The following ESYT3 variants were observed in gnomAD, a reference collection of about 807,000 sequenced individuals.
ESYT3 encodes extended synaptotagmin-3.
Under a neutral mutation model 111.5 loss-of-function variants are expected in ESYT3, and 101 were observed. The ratio of observed to expected loss-of-function variants is 0.91; its 90% CI spans 0.77 to 1.07. The LOEUF is 1.07. Ranked by LOEUF, ESYT3 falls within the 50% of genes least tolerant of loss-of-function variation. ESYT3 has a pLI of 0.00. For missense variants in ESYT3, 1,097 were observed against 1,109.4 expected (o/e 0.99, Z 0.16); for synonymous variants, 416 against 446.8 (o/e 0.93, Z 0.87).
intron 3 of ESYT3, among the ~76,000 whole-genome samples, chr3:138,457,348 G>A (rs1181157038): frequency 1.6e-4 from 24 of 152,174 alleles, no homozygotes; most frequent in East Asian, 1.9e-4. Flanking sequence ...GGGCCACTCT[G>A]TGTGGCTGTG....
Position 138,452,038 on chromosome 3 carries a change from TC to T in ESYT3, c.328-9del, listed in dbSNP as rs781371460. 2.2e-5 allele frequency: 35 copies of T among 1,613,528 alleles called. No homozygotes were observed. Among genetic ancestry groups the T allele is most frequent in the Non-Finnish European group, 3.0e-5 (35 of 1,179,890 alleles). On this transcript the variant is annotated splice_polypyrimidine_tract_variant and intron_variant, in intron 1 of 22. Transcript: ENST00000389567. ...TCTAGTCTAACTTCCCCTCGGGGCT[TC>T]TTTCCTAGATCCACTTCCCGGACGT...
At position 138,435,980 on chromosome 3, in the gene ESYT3, T is replaced by C. The variant is rs970424460; in HGVS notation, c.327+855T>C. On this transcript the variant is annotated intron_variant, in intron 1 of 22. Coordinates refer to ENST00000389567, the MANE Select transcript of ESYT3 (RefSeq NM_031913.5). This position sits in a 1 kb window ranked among gnomAD's most constrained non-coding sequence, Gnocchi z 4.8. ...TGCTGGGGCTCTTCGTTTTCAGATT[T>C]CTTCCAGTTACTCTCAGGCCCACGG... Among the ~76,000 whole-genome samples the C allele has an allele frequency of 2.0e-5, 3 of 152,166 alleles. No homozygotes were observed. Among genetic ancestry groups the C allele is most frequent in the Non-Finnish European group, 4.4e-5 (3 of 68,034 alleles).
chr3:138,476,745 A>T, intron 22 of ESYT3, 73 bp from the exon 23 acceptor site: 4 of 1,446,130 alleles, frequency 2.8e-6, no homozygotes, highest in South Asian at 2.3e-5. Context: ...GGCAGGCAGG[A>T]CTAGGCAGTT....
chr3:138,469,585 A>G, intron 15 of ESYT3, 81 bp downstream of exon 15: 1 of 1,198,608 alleles, frequency 8.3e-7, no homozygotes, highest in Non-Finnish European at 1.2e-6. Context: ...AAGGGAGGGG[A>G]ATTAACTTAT....
At position 138,472,398 on chromosome 3, in the gene ESYT3, A is replaced by G. The variant is rs1313484475; in HGVS notation, c.1776A>G (p.Pro592=). 1 of 1,614,040 alleles carries G rather than the reference A, an allele frequency of 6.2e-7. No individual in the cohort carries two copies. Among genetic ancestry groups the G allele is most frequent in the African/African-American group, 1.3e-5 (1 of 74,924 alleles). ...LQVEERELGS[P]YTGPEALKKG... is the part of the protein sequence containing the mutation. ...TGGAGGAACGAGAGCTGGGGAGCCCATACACAGGACCTGAAGCCCTAAAGA... is the reference window on the plus strand; with the variant it reads ...TGGAGGAACGAGAGCTGGGGAGCCCGTACACAGGACCTGAAGCCCTAAAGA... The change falls in exon 18 of 23, where the codon CCA becomes CCG. Residue 592 remains proline, a synonymous_variant. Transcript: ENST00000389567.
chr3:138,444,323 C>T (rs1403972429), intron 1 of ESYT3, among the ~76,000 whole-genome samples: 6 of 152,076 alleles, frequency 3.9e-5, no homozygotes, highest in Middle Eastern at 3.2e-3. Flanking sequence ...ACAGGTAGTG[C>T]GGGGAGGACA....
chr3:138,474,128 TTGAAACTCTCAAACAC>T (rs768686115), intron 19 of ESYT3, 77 bp from the exon 20 acceptor site: 194 of 1,517,664 alleles, frequency 1.3e-4, no homozygotes, highest in Non-Finnish European at 1.6e-4. Flanking sequence ...TTTGAAGTGT[TTGAAACTCTCAAACAC>T]TGAAACTCTC....
At position 138,452,102 on chromosome 3, in the gene ESYT3, G is replaced by T. The variant is rs752062794; in HGVS notation, c.369+13G>T. On this transcript the variant is annotated intron_variant, in intron 2 of 22. Coordinates refer to ENST00000389567, the MANE Select transcript of ESYT3 (RefSeq NM_031913.5). ...GTGGGCCAACAAGGTAAGGCCGCTGGCAGGGCCTAGCAGGGCCGGACGCAT... is the reference window on the plus strand; with the variant it reads ...GTGGGCCAACAAGGTAAGGCCGCTGTCAGGGCCTAGCAGGGCCGGACGCAT... 13 of 1,609,474 alleles carry T rather than the reference G, an allele frequency of 8.1e-6. No individual in the cohort carries two copies. The Admixed American group carries it at 2.0e-4, about 25-fold the overall frequency.
At chr3:138,452,181 C>A in intron 2 of ESYT3, 92 bp downstream of exon 2, 1 of 1,284,142 alleles carries the variant, frequency 7.8e-7, no homozygotes, top group Non-Finnish European at 1.1e-6. Flanking sequence ...GGGGGCCTCG[C>A]GGCAATTTCC....
In ESYT3 at chr3:138,474,164, G is replaced by C. The variant is rs2033373828; in HGVS notation, c.2337-57G>C. 5.1e-5 allele frequency: 81 copies of C among 1,580,150 alleles called. 1 individual carries two copies. In the South Asian group the frequency reaches 9.0e-4, roughly 18 times the overall value. On this transcript the variant is annotated intron_variant, in intron 19 of 22. Transcript: ENST00000389567. ...AAACACTGAAACTCTCAAATGTTCAGTGTTTGAAAACCAGGGCCCTTTTTT... is the reference window on the plus strand; with the variant it reads ...AAACACTGAAACTCTCAAATGTTCACTGTTTGAAAACCAGGGCCCTTTTTT...
intron 7 of ESYT3, among the ~76,000 whole-genome samples, chr3:138,461,716 A>G (rs1363918996): frequency 2.0e-5 from 3 of 152,210 alleles, no homozygotes; most frequent in African/African-American, 7.2e-5. Context: ...AGAGGTGAGG[A>G]TGCTGAGGTC....
chr3:138,453,588 T>C (rs1215245454), intron 2 of ESYT3, among the ~76,000 whole-genome samples: 2 of 152,124 alleles, frequency 1.3e-5, no homozygotes, highest in African/African-American at 4.8e-5. Context: ...AGGAAATGCA[T>C]ATTTAAACTG....
chr3:138,448,878 T>C (rs943788152), intron 1 of ESYT3, among the ~76,000 whole-genome samples: 9 of 152,110 alleles, frequency 5.9e-5, no homozygotes, highest in Non-Finnish European at 1.3e-4. Flanking sequence ...AGGGAGGGGC[T>C]TCAGGTCCCT....
chr3:138,452,661 G>A (rs747784889), intron 2 of ESYT3, among the ~76,000 whole-genome samples: 2 of 152,202 alleles, frequency 1.3e-5, no homozygotes, highest in Non-Finnish European at 2.9e-5. Flanking sequence ...TCCCCAGCAG[G>A]AATCCCGACT....
rs1374493338 is a variant in ESYT3, at chr3:138,477,836, TACCAAC to T, written c.*991_*996del. The T allele has an allele frequency of 6.6e-6, 1 of 152,232 alleles. No homozygotes were observed. Among genetic ancestry groups the T allele is most frequent in the Non-Finnish European group, 1.5e-5 (1 of 68,046 alleles). 9.4% of individuals were successfully genotyped at this position (152,232 alleles called of 1,614,324 possible). ...CATTCCTGGACCTCCTCTTCTCTCT[TACCAAC>T]ACCAACACTACCTGCCGTCAGTTTT... On this transcript the variant is annotated 3_prime_UTR_variant, in exon 23 of 23. Transcript: ENST00000389567.
Position 138,472,876 on chromosome 3 carries a change from T to C in ESYT3, c.2237+17T>C, listed in dbSNP as rs1201074181. The C allele has an allele frequency of 1.9e-6, 3 of 1,593,396 alleles. No homozygotes were observed. The highest frequency in any genetic ancestry group is 2.6e-6 in the Non-Finnish European group (3 of 1,169,952). On this transcript the variant is annotated intron_variant, in intron 18 of 22. Transcript: ENST00000389567. ...CAACATTGAGTATGCACCTCTCTGCTTAATCTTTTCTAAAATCGCCTGTAT... is the reference window on the plus strand; with the variant it reads ...CAACATTGAGTATGCACCTCTCTGCCTAATCTTTTCTAAAATCGCCTGTAT...
intron 8 of ESYT3, among the ~76,000 whole-genome samples, chr3:138,463,575 A>T (rs1258096982): frequency 3.3e-5 from 5 of 152,182 alleles, no homozygotes; most frequent in Non-Finnish European, 1.5e-5. Context: ...ACTATTACAA[A>T]TAGTAGTGTA....
chr3:138,452,668 G>A (rs947408512), intron 2 of ESYT3, among the ~76,000 whole-genome samples: 2 of 152,138 alleles, frequency 1.3e-5, no homozygotes, highest in African/African-American at 2.4e-5. Flanking sequence ...CAGGAATCCC[G>A]ACTTCATGGA....
At chr3:138,450,426 C>G (rs2031845172) in intron 1 of ESYT3, among the ~76,000 whole-genome samples, 1 of 152,212 alleles carries the variant, frequency 6.6e-6, no homozygotes, top group African/African-American at 2.4e-5. Flanking sequence ...CCCACAATTC[C>G]TTCCCGCATC....
Sources: gnomAD v4.1 joint callset for allele counts (sites outside exome capture counted in the v4.1 genomes callset) on GRCh38, gnomAD v4.1.1 for gene constraint, Gnocchi (gnomAD v3.1) non-coding constraint, MANE v1.5 for transcripts, NCBI Gene and HGNC (gene_info 2026-07-23, HGNC 2026-07-21) for gene names.